The following PDHX variants were observed in gnomAD, a reference collection of about 807,000 sequenced individuals.
The protein encoded by PDHX is pyruvate dehydrogenase protein X component, mitochondrial.
A neutral mutation model predicts 55.3 loss-of-function variants in PDHX; 33 were observed. The ratio of observed to expected loss-of-function variants is 0.60; its 90% confidence interval spans 0.45 to 0.80. The LOEUF (loss-of-function observed/expected upper bound fraction) is 0.80, where lower values mean the gene tolerates loss of function less well. Among genes scored for constraint, PDHX ranks in the 30% least tolerant of loss-of-function variants. The pLI is 0.00. For missense variants in PDHX, 622 were observed against 619.9 expected, an observed-to-expected ratio of 1.00 and a Z score of -0.04; for synonymous variants, 226 against 219.4, an observed-to-expected ratio of 1.03 and a Z score of -0.27.
chr11:34,947,379 G>C, intron 2 of PDHX, 127 bp from the exon 3 acceptor site: 1 of 668,514 alleles, frequency 1.5e-6, no homozygotes, highest in South Asian at 1.8e-5. Flanking sequence ...AGAATTACTT[G>C]TATTTCCACA....
intron 4 of PDHX, 118 bp downstream of exon 4, chr11:34,957,701 C>G: frequency 1.3e-6 from 1 of 770,972 alleles, no homozygotes; most frequent in South Asian, 1.5e-5. Context: ...AGTTGCTGTT[C>G]TCAGCACACT....
chr11:34,951,202 G>A (rs889946920), intron 3 of PDHX, among the ~76,000 whole-genome samples: 7 of 151,648 alleles, frequency 4.6e-5, no homozygotes, highest in Admixed American at 6.6e-5. Context: ...GACTACAGGC[G>A]CCCGCCATCA....
At chr11:34,981,324 A>G (rs1442033581) in intron 8 of PDHX, among the ~76,000 whole-genome samples, 2 of 152,136 alleles carry the variant, frequency 1.3e-5, no homozygotes, top group Non-Finnish European at 2.9e-5. Context: ...TACAAAGGAC[A>G]TGAACTCATC....
intron 4 of PDHX, among the ~76,000 whole-genome samples, chr11:34,958,347 C>A (rs1171310607): frequency 2.0e-5 from 3 of 152,046 alleles, no homozygotes; most frequent in Admixed American, 2.0e-4. Context: ...ATTGTCCAGG[C>A]TGGAGTGCAA....
At chr11:34,991,630 C>G (rs998135785) in intron 9 of PDHX, among the ~76,000 whole-genome samples, 2 of 151,910 alleles carry the variant, frequency 1.3e-5, no homozygotes, top group African/African-American at 4.8e-5. Context: ...ACAGATTGGC[C>G]AGGCATGGTG....
upstream of PDHX, chr11:34,916,156 C>T (rs563821039): frequency 5.4e-5 from 84 of 1,555,458 alleles, no homozygotes; most frequent in African/African-American, 9.0e-4. Context: ...ACCCTGCGCC[C>T]AGCTCCAGCC....
At chr11:34,960,248 A>T (rs1854994646) in intron 4 of PDHX, among the ~76,000 whole-genome samples, 172 bp from the exon 5 acceptor site, 1 of 152,252 alleles carries the variant, frequency 6.6e-6, no homozygotes, top group South Asian at 2.1e-4. Flanking sequence ...TGTTTAAAGA[A>T]TAAAATAAAC....
chr11:34,980,366 T>TTTTTTTTTTTTTTTTTTTTA (rs1855483460), intron 8 of PDHX, among the ~76,000 whole-genome samples: 1 of 143,106 alleles, frequency 7.0e-6, no homozygotes, highest in Non-Finnish European at 1.5e-5. Flanking sequence ...TTTTTTTTTT[T>TTTTTTTTTTTTTTTTTTTTA]GAGCAGCAGC....
At position 34,992,373 on chromosome 11, in the gene PDHX, C is replaced by A; in HGVS notation, c.1241C>A (p.Ser414Tyr). The A allele has an allele frequency of 1.3e-6, 2 of 1,568,788 alleles. No homozygotes were observed. Among genetic ancestry groups the A allele is most frequent in the Non-Finnish European group, 1.8e-6 (2 of 1,139,482 alleles). Residue 414 changes from serine to tyrosine, a missense_variant, in exon 10 of 11, where the codon TCT becomes TAT. Transcript: ENST00000227868. ...TTGCCTGAAGAATACCAAGGAGGATCTTTTAGGTAAAATTTAAACTCTTAA... is the reference window on the plus strand; with the variant it reads ...TTGCCTGAAGAATACCAAGGAGGATATTTTAGGTAAAATTTAAACTCTTAA... ...KLLPEEYQGGSFSISNLGMFG... is the reference protein window; with the variant it reads ...KLLPEEYQGGYFSISNLGMFG...
At chr11:34,984,967 G>T in intron 9 of PDHX, 1 of 426,006 alleles carries the variant, frequency 2.3e-6, no homozygotes. Context: ...AACAAATTAG[G>T]GAACAACTTC....
At chr11:34,979,796 G>A (rs1855468256) in intron 8 of PDHX, among the ~76,000 whole-genome samples, 2 of 152,090 alleles carry the variant, frequency 1.3e-5, no homozygotes, top group African/African-American at 4.8e-5. Context: ...TGTATCCAGA[G>A]TCATAAGTAG....
chr11:34,942,215 A>G (rs562994495), intron 2 of PDHX, among the ~76,000 whole-genome samples: 3 of 152,334 alleles, frequency 2.0e-5, no homozygotes, highest in African/African-American at 7.2e-5. Flanking sequence ...TATGGAATAA[A>G]TGTGTCCTGA....
chr11:34,951,310 C>T (rs1325247637), intron 3 of PDHX, among the ~76,000 whole-genome samples: 1 of 150,772 alleles, frequency 6.6e-6, no homozygotes, highest in Non-Finnish European at 1.5e-5. Flanking sequence ...CCACCCGCCT[C>T]GGCCTCCCAA....
chr11:34,916,127 G>A (rs1853678446), upstream of PDHX: 1 of 1,474,988 alleles, frequency 6.8e-7, no homozygotes, highest in Non-Finnish European at 9.1e-7. Flanking sequence ...CCGCCCCGCA[G>A]CTAAACGCCC....
chr11:34,994,254 A>T (rs1479024765), intron 10 of PDHX, among the ~76,000 whole-genome samples: 3 of 152,202 alleles, frequency 2.0e-5, no homozygotes, highest in African/African-American at 7.2e-5. Context: ...ACAGCATGTT[A>T]CTCTACTGAA....
intron 1 of PDHX, among the ~76,000 whole-genome samples, chr11:34,930,905 A>T (rs980024039): frequency 6.6e-6 from 1 of 152,258 alleles, no homozygotes; most frequent in Non-Finnish European, 1.5e-5. Context: ...CTATAATATT[A>T]GATGAAAATA....
intron 9 of PDHX, among the ~76,000 whole-genome samples, chr11:34,985,559 T>C (rs191927857): frequency 5.3e-5 from 8 of 152,268 alleles, no homozygotes; most frequent in Admixed American, 1.3e-4. Flanking sequence ...AAATAGTACA[T>C]CGAATAGGCA....
chr11:34,993,509 A>G (rs1855799008), intron 10 of PDHX, among the ~76,000 whole-genome samples: 2 of 151,974 alleles, frequency 1.3e-5, no homozygotes. Context: ...TTTTCCCCAT[A>G]TGGATACTAA....
At chr11:34,958,385 C>T (rs928853419) in intron 4 of PDHX, among the ~76,000 whole-genome samples, 4 of 152,086 alleles carry the variant, frequency 2.6e-5, no homozygotes, top group Admixed American at 6.5e-5. Context: ...ACCGCAACCT[C>T]GGTCTTCTGG....
Sources: gnomAD v4.1 joint callset for allele counts (sites outside exome capture counted in the v4.1 genomes callset) on GRCh38, gnomAD v4.1.1 for gene constraint, MANE v1.5 for transcripts, NCBI Gene and HGNC (gene_info 2026-07-23, HGNC 2026-07-21) for gene names.